Variants in ADAM10 observed in about 807,000 individuals in gnomAD.
The protein encoded by ADAM10 is ADAM metallopeptidase domain 10, also known as disintegrin and metalloproteinase domain-containing protein 10.
Under a neutral mutation model 90.1 loss-of-function variants are expected in ADAM10, and 17 were observed. The observed-to-expected ratio is 0.19, with a 90% confidence interval of 0.13 to 0.28. ADAM10 has a LOEUF of 0.28. ADAM10 is among the 10% of genes least tolerant of loss of function. The pLI, the probability that ADAM10 is intolerant of heterozygous loss-of-function variation, is 1.00. For synonymous variants in ADAM10, 310 were observed against 298.6 expected, an observed-to-expected ratio of 1.04 and a Z score of -0.40; for missense variants, 610 against 914.3, an observed-to-expected ratio of 0.67 and a Z score of 4.29.
intron 4 of ADAM10, among the ~76,000 whole-genome samples, chr15:58,668,494 G>A (rs1427823777): frequency 4.6e-5 from 7 of 152,080 alleles, no homozygotes; most frequent in African/African-American, 1.7e-4. Flanking sequence ...TATTGTTGCA[G>A]CCAGAGTAAT....
intron 5 of ADAM10, among the ~76,000 whole-genome samples, chr15:58,661,098 T>C (rs1896954322): frequency 6.6e-6 from 1 of 152,262 alleles, no homozygotes; most frequent in Non-Finnish European, 1.5e-5. Context: ...TTCTTCTTTC[T>C]CTTGTCCTTT....
intron 10 of ADAM10, among the ~76,000 whole-genome samples, chr15:58,622,584 A>G (rs1895820044): frequency 6.6e-6 from 1 of 152,158 alleles, no homozygotes; most frequent in South Asian, 2.1e-4. Flanking sequence ...TTTGCTGCTG[A>G]ACTAAACCAA....
At chr15:58,738,458 A>G (rs557177046) in intron 1 of ADAM10, among the ~76,000 whole-genome samples, 2 of 152,302 alleles carry the variant, frequency 1.3e-5, no homozygotes, top group South Asian at 4.1e-4. Context: ...GCCAGTACCT[A>G]TTTTTTCACT....
At chr15:58,723,138 A>C (rs1339974736) in intron 1 of ADAM10, among the ~76,000 whole-genome samples, 1 of 152,138 alleles carries the variant, frequency 6.6e-6, no homozygotes, top group Admixed American at 6.6e-5. Context: ...GAATGAAATA[A>C]TATTTTAATG....
At chr15:58,692,835 T>G in intron 2 of ADAM10, 1 of 654,302 alleles carries the variant, frequency 1.5e-6, no homozygotes, top group Non-Finnish European at 2.9e-6. Context: ...TGGAGATTTC[T>G]GCACAAGACT....
At chr15:58,730,474 A>C (rs556786175) in intron 1 of ADAM10, among the ~76,000 whole-genome samples, 1 of 151,558 alleles carries the variant, frequency 6.6e-6, no homozygotes, top group Non-Finnish European at 1.5e-5. Flanking sequence ...TTGGTAAGTC[A>C]CTTAAACACT....
At chr15:58,678,823 A>G (rs558306939) in intron 4 of ADAM10, among the ~76,000 whole-genome samples, 1 of 152,342 alleles carries the variant, frequency 6.6e-6, no homozygotes, top group South Asian at 2.1e-4. Flanking sequence ...TATTAGCATT[A>G]CACAGACTGG....
chr15:58,695,154 G>C (rs1030520977), intron 2 of ADAM10, among the ~76,000 whole-genome samples: 16 of 152,136 alleles, frequency 1.1e-4, no homozygotes, highest in African/African-American at 3.9e-4. Flanking sequence ...GTTTGAGGCT[G>C]TACTCACATT....
intron 2 of ADAM10, among the ~76,000 whole-genome samples, chr15:58,701,243 T>TA (rs1221878843): frequency 5.3e-5 from 8 of 150,996 alleles, no homozygotes; most frequent in South Asian, 4.2e-4. Context: ...CTCAATAGTT[T>TA]AAAAAAAAAT....
intron 4 of ADAM10, among the ~76,000 whole-genome samples, chr15:58,666,096 T>C (rs1170878155): frequency 3.3e-5 from 5 of 151,646 alleles, no homozygotes; most frequent in African/African-American, 1.2e-4. Context: ...CCCTCTAGGT[T>C]CCATCAACCC....
intron 4 of ADAM10, among the ~76,000 whole-genome samples, chr15:58,665,829 T>C (rs1415599041): frequency 6.6e-6 from 1 of 152,042 alleles, no homozygotes; most frequent in Admixed American, 6.6e-5. Context: ...AGATCCTGAC[T>C]TACTGTCAGT....
intron 4 of ADAM10, among the ~76,000 whole-genome samples, chr15:58,678,211 T>C (rs1897337597): frequency 6.6e-6 from 1 of 152,318 alleles, no homozygotes; most frequent in Admixed American, 6.5e-5. Flanking sequence ...TTATTTTCTA[T>C]AGCAATCTAG....
chr15:58,688,786 A>ATATATATATATATCTATC, intron 2 of ADAM10, among the ~76,000 whole-genome samples: 1 of 122,394 alleles, frequency 8.2e-6, no homozygotes, highest in African/African-American at 3.6e-5. Flanking sequence ...ATATATATAT[A>ATATATATATATATCTATC]TCTCTCTCTC....
intron 1 of ADAM10, among the ~76,000 whole-genome samples, chr15:58,729,679 C>T (rs1273146614): frequency 6.6e-6 from 1 of 152,008 alleles, no homozygotes; most frequent in African/African-American, 2.4e-5. Context: ...AAAAGAAAAG[C>T]TCAGCCAGGC....
rs114179221 is a variant in ADAM10 at position 58,618,149 on chromosome 15, C to G, written c.1511+3322G>C. On this transcript the variant is annotated intron_variant, in intron 11 of 15. Coordinates refer to ENST00000260408, the MANE Select transcript of ADAM10 (RefSeq NM_001110.4). ...TACTACAAAGCTATAGCAACTAAAA[C>G]AGCATGATACTGACATAAAAACAGA... is the stretch of plus-strand genomic sequence containing the variant. Among the ~76,000 whole-genome samples the G allele has an allele frequency of 9.0e-3, 1,374 of 152,250 alleles. 29 individuals carry two copies. Among genetic ancestry groups the G allele is most frequent in the African/African-American group, 0.032 (1,320 of 41,550 alleles).
At chr15:58,671,771 A>G (rs1897198829) in intron 4 of ADAM10, among the ~76,000 whole-genome samples, 1 of 152,160 alleles carries the variant, frequency 6.6e-6, no homozygotes. Context: ...TCAGTAGTAA[A>G]TATGGCTCAC....
rs150906935 is a variant in ADAM10, at chr15:58,662,732, G to A, written c.585+2365C>T. ...TGGTTTTCTCAAAGAATTTCATCCCGTGCAGGCAGGCACAGCTTAGTATTC... is the reference window on the plus strand; with the variant it reads ...TGGTTTTCTCAAAGAATTTCATCCCATGCAGGCAGGCACAGCTTAGTATTC... On this transcript the variant is annotated intron_variant, in intron 5 of 15. Coordinates refer to ENST00000260408, the MANE Select transcript of ADAM10 (RefSeq NM_001110.4). 3.3e-5 allele frequency among the ~76,000 whole-genome samples: 5 copies of A among 152,212 alleles called. No individual in the cohort carries two copies. In the East Asian group the frequency reaches 5.8e-4, roughly 18 times the overall value.
At chr15:58,687,046 T>C (rs376335404) in intron 2 of ADAM10, among the ~76,000 whole-genome samples, 1 of 152,260 alleles carries the variant, frequency 6.6e-6, no homozygotes, top group Admixed American at 6.5e-5. Flanking sequence ...CTGGAAGATA[T>C]TTATACCATA....
At chr15:58,664,020 T>C (rs1267762637) in intron 5 of ADAM10, among the ~76,000 whole-genome samples, 1 of 152,026 alleles carries the variant, frequency 6.6e-6, no homozygotes, top group Non-Finnish European at 1.5e-5. Context: ...TACAACAACT[T>C]CTCATTAGTC....
Sources: allele counts gnomAD v4.1 joint callset (sites outside exome capture counted in the v4.1 genomes callset), GRCh38; gene constraint gnomAD v4.1.1; transcripts MANE v1.5; gene names NCBI Gene and HGNC (gene_info 2026-07-23, HGNC 2026-07-21).